GLDN: variants seen among roughly 807,000 people sequenced by gnomAD.
GLDN encodes the protein gliomedin, also known as collomin.
Under a neutral mutation model 56.5 loss-of-function variants are expected in GLDN, and 47 were observed. The ratio of observed to expected loss-of-function variants is 0.83; its 90% CI spans 0.66 to 1.06. GLDN has a LOEUF of 1.06. GLDN is among the 50% of genes least tolerant of loss of function. The pLI is 0.00. For synonymous variants in GLDN, 332 were observed against 278.8 expected (o/e 1.19, Z -1.90); for missense variants, 782 against 714.3 (o/e 1.09, Z -1.08).
intron 4 of GLDN, among the ~76,000 whole-genome samples, chr15:51,393,429 C>T (rs190354118): frequency 6.6e-6 from 1 of 152,284 alleles, no homozygotes; most frequent in African/African-American, 2.4e-5. Flanking sequence ...GATGAGATTT[C>T]CCCATGGTGG....
At position 51,365,804 on chromosome 15, in the gene GLDN, A is replaced by G. The variant is rs2037389183; in HGVS notation, c.364-11645A>G. 2.0e-5 allele frequency among the ~76,000 whole-genome samples: 3 copies of G among 152,184 alleles called. No homozygotes were observed. The South Asian group carries it at 6.2e-4, about 32-fold the overall frequency. Reference sequence around the variant, plus strand: ...TTGGGTTCTTCTTCTGCTTTTATGTATAGAATGTTCTTTCCTACCTCAAGA... The same window carrying G: ...TTGGGTTCTTCTTCTGCTTTTATGTGTAGAATGTTCTTTCCTACCTCAAGA... On this transcript the variant is annotated intron_variant, in intron 1 of 9. Coordinates refer to ENST00000335449, the MANE Select transcript of GLDN (RefSeq NM_181789.4).
intron 1 of GLDN, among the ~76,000 whole-genome samples, chr15:51,355,648 T>C (rs1330070622): frequency 7.3e-5 from 11 of 150,512 alleles, no homozygotes; most frequent in Non-Finnish European, 1.5e-4. Context: ...CTCAGCCTCC[T>C]GAGTAGCTGG....
intron 1 of GLDN, among the ~76,000 whole-genome samples, chr15:51,372,388 G>A (rs558071342): frequency 2.0e-5 from 3 of 152,166 alleles, no homozygotes; most frequent in African/African-American, 4.8e-5. Context: ...GTCCCTGTCC[G>A]TTGCTGCATT....
intron 1 of GLDN, among the ~76,000 whole-genome samples, chr15:51,346,808 G>A (rs1392574789): frequency 6.6e-6 from 1 of 152,226 alleles, no homozygotes; most frequent in African/African-American, 2.4e-5. Context: ...GCTCACGCCT[G>A]TAATCCCAGC....
chr15:51,403,089 C>T (rs969107147), intron 9 of GLDN, among the ~76,000 whole-genome samples: 3 of 152,166 alleles, frequency 2.0e-5, no homozygotes, highest in African/African-American at 7.2e-5. Flanking sequence ...CTGGCCTCTT[C>T]AAGGAGGTGT....
intron 1 of GLDN, among the ~76,000 whole-genome samples, chr15:51,361,777 T>A (rs996284401): frequency 2.0e-5 from 3 of 152,006 alleles, no homozygotes; most frequent in Non-Finnish European, 4.4e-5. Context: ...TGAAGAACAA[T>A]AAAGTGGTTG....
intron 1 of GLDN, among the ~76,000 whole-genome samples, chr15:51,348,464 C>T (rs1326283553): frequency 6.6e-6 from 1 of 152,038 alleles, no homozygotes; most frequent in Non-Finnish European, 1.5e-5. Context: ...TCCTGAGTAT[C>T]TGGGACAAGT....
chr15:51,354,417 C>G (rs2037136213), intron 1 of GLDN, among the ~76,000 whole-genome samples: 1 of 152,154 alleles, frequency 6.6e-6, no homozygotes, highest in African/African-American at 2.4e-5. Flanking sequence ...GAATCAGTCT[C>G]TAAACAGGAA....
chr15:51,397,627 C>T (rs779226495), intron 6 of GLDN, 29 bp downstream of exon 6: 3 of 1,529,370 alleles, frequency 2.0e-6, no homozygotes, highest in Middle Eastern at 1.7e-4. Flanking sequence ...CGGGGCCCAC[C>T]TCTTCTGTCA....
intron 4 of GLDN, among the ~76,000 whole-genome samples, chr15:51,389,512 C>T (rs2037970563): frequency 6.6e-6 from 1 of 152,082 alleles, no homozygotes; most frequent in African/African-American, 2.4e-5. Context: ...GCCAAACTTC[C>T]CTGTGCAGAA....
intron 9 of GLDN, among the ~76,000 whole-genome samples, chr15:51,403,213 C>T (rs971941829): frequency 6.6e-6 from 1 of 152,152 alleles, no homozygotes; most frequent in African/African-American, 2.4e-5. Flanking sequence ...CCTGTAATTG[C>T]TGGGAGAGAT....
chr15:51,409,262 T>C (rs920987869), downstream of GLDN, among the ~76,000 whole-genome samples: 31 of 152,050 alleles, frequency 2.0e-4, no homozygotes, highest in African/African-American at 7.5e-4. Context: ...ATGGTTCAAG[T>C]ACCTGTTACC....
chr15:51,402,540 CCT>C (rs2038277695), intron 9 of GLDN, among the ~76,000 whole-genome samples: 1 of 152,204 alleles, frequency 6.6e-6, no homozygotes, highest in Non-Finnish European at 1.5e-5. Context: ...TGGACTACAG[CCT>C]CTGAGTCCTT....
chr15:51,391,292 T>C (rs2141116050), intron 4 of GLDN, among the ~76,000 whole-genome samples: 2 of 152,128 alleles, frequency 1.3e-5, no homozygotes, highest in Middle Eastern at 3.4e-3. Flanking sequence ...ATATGGCCTT[T>C]CCGAGAAAGA....
At chr15:51,383,689 T>C (rs2037819945) in intron 3 of GLDN, 96 bp from the exon 4 acceptor site, 1 of 1,042,868 alleles carries the variant, frequency 9.6e-7, no homozygotes, top group Admixed American at 2.6e-5. Context: ...AATTGATGCC[T>C]GCTCAGTTTC....
rs1476358408 is a variant in GLDN at position 51,407,416 on chromosome 15, T to A, written c.*2662T>A. 1 of 152,210 alleles carries A rather than the reference T, an allele frequency of 6.6e-6. No individual in the cohort carries two copies. The highest frequency in any genetic ancestry group is 1.5e-5 in the Non-Finnish European group (1 of 68,034). 9.4% of individuals were successfully genotyped at this position (152,210 alleles called of 1,614,324 possible). On this transcript the variant is annotated 3_prime_UTR_variant, in exon 10 of 10. Transcript: ENST00000335449. ...CCCTCTCATTTATAACCAAAGTTGC[T>A]CTAAAACACTTTCCAAATATCTGCA...
rs186935606 is a variant in GLDN, at chr15:51,341,953, C to T, written c.269C>T (p.Ala90Val). The T allele has an allele frequency of 3.7e-3, 5,880 of 1,597,458 alleles. 14 individuals carry two copies. Among genetic ancestry groups the T allele is most frequent in the Non-Finnish European group, 4.2e-3 (4,940 of 1,179,442 alleles). ...CCACCCCAAGACCCGGCCAGCTCAG[C>T]TCGCAACAAGCGCAGCCACAGCGGC... is the stretch of plus-strand genomic sequence containing the variant. ...SAPPQDPASS[A>V]RNKRSHSGEP... Residue 90 changes from alanine (A) to valine (V), a missense_variant, in exon 1 of 10, where the codon GCT (alanine) becomes GTT (valine). By Grantham distance (64) the Ala-to-Val change is moderately conservative. Coordinates refer to ENST00000335449, the MANE Select transcript of GLDN (RefSeq NM_181789.4).
At chr15:51,349,252 C>T (rs1551656) in intron 1 of GLDN, among the ~76,000 whole-genome samples, 36,280 of 152,260 alleles carry the variant, frequency 0.24, 6,661 homozygotes, top group African/African-American at 0.51. Context: ...ACAGTCACAG[C>T]TCCTGTTTGC....
chr15:51,388,643 C>T (rs964418717), intron 4 of GLDN, among the ~76,000 whole-genome samples: 2 of 152,216 alleles, frequency 1.3e-5, no homozygotes, highest in African/African-American at 4.8e-5. Context: ...CTGGATATAA[C>T]TTGTCTAATG....
Sources: gnomAD v4.1 joint callset for allele counts (sites outside exome capture counted in the v4.1 genomes callset) on GRCh38, gnomAD v4.1.1 for gene constraint, MANE v1.5 for transcripts, NCBI Gene and HGNC (gene_info 2026-07-23, HGNC 2026-07-21) for gene names.